RIMS2: variants seen among roughly 807,000 people sequenced by gnomAD.
RIMS2 encodes the protein regulating synaptic membrane exocytosis 2.
RIMS2 carries 59 observed loss-of-function variants against 174.4 expected under a neutral mutation model. The ratio of observed to expected loss-of-function variants is 0.34; its 90% CI spans 0.27 to 0.42. The LOEUF (loss-of-function observed/expected upper bound fraction) is 0.42, where lower values mean the gene tolerates loss of function less well. Among genes scored for constraint, RIMS2 ranks in the 10% least tolerant of loss-of-function variants. RIMS2 has a pLI of 1.00. For synonymous variants in RIMS2, 606 were observed against 572.5 expected, an observed-to-expected ratio of 1.06 and a Z score of -0.84; for missense variants, 1,620 against 1,666.3, an observed-to-expected ratio of 0.97 and a Z score of 0.48.
At chr8:103,778,644 T>C (rs570162207) in intron 3 of RIMS2, among the ~76,000 whole-genome samples, 2 of 152,310 alleles carry the variant, frequency 1.3e-5, no homozygotes, top group South Asian at 4.1e-4. Flanking sequence ...ACATTATCTG[T>C]TTATCCATTG....
chr8:104,140,985 G>A (rs3133284), intron 19 of RIMS2, among the ~76,000 whole-genome samples: 80,491 of 152,018 alleles, frequency 0.53, 23,212 homozygotes, highest in East Asian at 0.92. Context: ...TAATTTTTGG[G>A]TACATTTTTA....
At chr8:103,514,175 A>G (rs370830562) in intron 1 of RIMS2, among the ~76,000 whole-genome samples, 1 of 152,342 alleles carries the variant, frequency 6.6e-6, no homozygotes, top group African/African-American at 2.4e-5. Flanking sequence ...GACTTAGAAC[A>G]TTAGAGCTTA....
intron 4 of RIMS2, among the ~76,000 whole-genome samples, chr8:103,889,373 T>C (rs116389972): frequency 6.6e-6 from 1 of 151,798 alleles, no homozygotes; most frequent in Non-Finnish European, 1.5e-5. Flanking sequence ...CTCAGATCTC[T>C]TTCTCCTTGT....
intron 3 of RIMS2, chr8:103,819,726 A>G (rs1366252529): frequency 3.4e-6 from 3 of 873,170 alleles, no homozygotes; most frequent in Non-Finnish European, 3.5e-6. Flanking sequence ...TGCTAGTGTT[A>G]TAAAGGTGTT....
At chr8:104,032,881 A>G (rs2096429915) in intron 19 of RIMS2, among the ~76,000 whole-genome samples, 1 of 151,988 alleles carries the variant, frequency 6.6e-6, no homozygotes, top group Admixed American at 6.6e-5. Context: ...GCACTGACCT[A>G]TTAGAGTAGA....
At chr8:103,615,294 A>G (rs1217933621) in intron 1 of RIMS2, among the ~76,000 whole-genome samples, 1 of 152,196 alleles carries the variant, frequency 6.6e-6, no homozygotes, top group Non-Finnish European at 1.5e-5. Context: ...TAAATAATGA[A>G]ATTAAGGCAG....
At chr8:103,569,362 T>C (rs2092632289) in intron 1 of RIMS2, among the ~76,000 whole-genome samples, 1 of 152,182 alleles carries the variant, frequency 6.6e-6, no homozygotes, top group Non-Finnish European at 1.5e-5. Context: ...GGCTTATTTC[T>C]GGACTTCAGA....
At chr8:103,758,258 C>T (rs1282673650) in intron 2 of RIMS2, among the ~76,000 whole-genome samples, 1 of 152,130 alleles carries the variant, frequency 6.6e-6, no homozygotes, top group East Asian at 1.9e-4. Flanking sequence ...TCTCTGGGAT[C>T]TCCAGTTCAG....
intron 1 of RIMS2, among the ~76,000 whole-genome samples, chr8:103,680,682 C>A (rs910370730): frequency 2.0e-5 from 3 of 151,856 alleles, no homozygotes; most frequent in Non-Finnish European, 2.9e-5. Context: ...TACAGGAAAT[C>A]CAATCCAGTA....
At chr8:103,545,479 C>T (rs1298481183) in intron 1 of RIMS2, among the ~76,000 whole-genome samples, 1 of 152,180 alleles carries the variant, frequency 6.6e-6, no homozygotes, top group Admixed American at 6.5e-5. Context: ...AAAATTTTCC[C>T]AACTTTCCTA....
At chr8:103,769,317 T>TTTTG (rs758514999) in intron 3 of RIMS2, among the ~76,000 whole-genome samples, 3 of 152,030 alleles carry the variant, frequency 2.0e-5, no homozygotes, top group Admixed American at 6.6e-5. Flanking sequence ...AATCTTTGTT[T>TTTTG]TTTGTTTGTT....
chr8:104,148,659 A>G (rs1452000963), intron 19 of RIMS2: 2 of 1,598,380 alleles, frequency 1.3e-6, no homozygotes, highest in Non-Finnish European at 1.7e-6. Flanking sequence ...AGGGAAGAAC[A>G]TGACAAAAAG....
chr8:103,900,496 C>T (rs1194686735), intron 4 of RIMS2, among the ~76,000 whole-genome samples: 2 of 152,066 alleles, frequency 1.3e-5, no homozygotes, highest in Admixed American at 1.3e-4. Context: ...ATTCTGAATA[C>T]CAAGTATGTC....
At chr8:103,960,996 C>T (rs925622210) in intron 14 of RIMS2, 69 bp from the exon 17 acceptor site, 8 of 823,412 alleles carry the variant, frequency 9.7e-6, no homozygotes, top group Non-Finnish European at 1.7e-5. Context: ...GTTTGTTTTT[C>T]AGGTGTTTGA....
At chr8:103,828,731 T>G (rs1351661316) in intron 3 of RIMS2, among the ~76,000 whole-genome samples, 1 of 152,114 alleles carries the variant, frequency 6.6e-6, no homozygotes. Flanking sequence ...CATCTTAAGT[T>G]GATTTTTGTA....
intron 19 of RIMS2, among the ~76,000 whole-genome samples, chr8:104,051,452 A>G (rs2096784538): frequency 1.3e-5 from 2 of 152,090 alleles, no homozygotes; most frequent in African/African-American, 2.4e-5. Context: ...AGGCTTGTTT[A>G]GAGTAAAGGG....
At chr8:103,646,466 TG>T (rs1163704546) in intron 1 of RIMS2, among the ~76,000 whole-genome samples, 1 of 152,108 alleles carries the variant, frequency 6.6e-6, no homozygotes, top group East Asian at 1.9e-4. Flanking sequence ...CATGGTGTTT[TG>T]CTGCACACAT....
intron 1 of RIMS2, among the ~76,000 whole-genome samples, chr8:103,625,470 A>G (rs147694050): frequency 2.6e-4 from 40 of 152,328 alleles, no homozygotes; most frequent in Non-Finnish European, 4.4e-4. Context: ...CATAAAATCA[A>G]GGATAGGATT....
chr8:103,673,570 T>C (rs2096772368), intron 1 of RIMS2, among the ~76,000 whole-genome samples: 1 of 152,178 alleles, frequency 6.6e-6, no homozygotes, highest in Admixed American at 6.5e-5. Flanking sequence ...CTGGGCCTCT[T>C]TGAGCCCCAG....
Sources: gnomAD v4.1 joint callset for allele counts (sites outside exome capture counted in the v4.1 genomes callset) on GRCh38, gnomAD v4.1.1 for gene constraint, MANE v1.5 for transcripts, NCBI Gene and HGNC (gene_info 2026-07-23, HGNC 2026-07-21) for gene names.